The following RINL variants were observed in gnomAD, a reference collection of about 807,000 sequenced individuals.
RINL encodes Ras and Rab interactor like, also known as ras and Rab interactor-like protein.
A neutral mutation model predicts 58.1 loss-of-function variants in RINL; 39 were observed. The observed-to-expected ratio is 0.67, with a 90% confidence interval of 0.52 to 0.88. The LOEUF (loss-of-function observed/expected upper bound fraction) is 0.88. Among genes scored for constraint, RINL ranks in the 40% least tolerant of loss-of-function variants. The probability of loss-of-function intolerance (pLI) is 0.00; values close to 1 mark genes in which losing one functional copy is unlikely to be tolerated. For synonymous variants in RINL, 286 were observed against 323.1 expected, an observed-to-expected ratio of 0.89 and a Z score of 1.23; for missense variants, 711 against 749.2, an observed-to-expected ratio of 0.95 and a Z score of 0.60.
chr19:38,869,425 G>A lies in RINL; in HGVS notation c.1475-15C>T. On this transcript the variant is annotated splice_polypyrimidine_tract_variant and intron_variant, in intron 10 of 11. Transcript: ENST00000591812. This position sits in a 1 kb window ranked among gnomAD's most constrained non-coding sequence, Gnocchi z 5.7. ...GTAGTACCCAGCTGGGGACAGAAAGGGAAGTCAGCTCCGCCCTCTCGGCTT... is the reference window on the plus strand; with the variant it reads ...GTAGTACCCAGCTGGGGACAGAAAGAGAAGTCAGCTCCGCCCTCTCGGCTT... 6.3e-7 allele frequency: 1 copy of A among 1,585,226 alleles called. No individual in the cohort carries two copies. Among genetic ancestry groups the A allele is most frequent in the Non-Finnish European group, 8.6e-7 (1 of 1,162,442 alleles).
chr19:38,877,166 C>T (rs1296653563), intron 1 of RINL, among the ~76,000 whole-genome samples: 2 of 152,284 alleles, frequency 1.3e-5, no homozygotes, highest in East Asian at 1.9e-4. Flanking sequence ...CCCCCCGCCT[C>T]GGCCTCCCAA....
Position 38,869,207 on chromosome 19 carries a change from T to C in RINL, c.1638+40A>G. 1 of 1,614,088 alleles carries C rather than the reference T, an allele frequency of 6.2e-7. No homozygotes were observed. ...GGAGCTGGGTCAGAAGGGCACCAGG[T>C]CTCACCCTCCCTTCTACTTGCAGCC... On this transcript the variant is annotated intron_variant, in intron 11 of 11. Coordinates refer to ENST00000591812, the MANE Select transcript of RINL (RefSeq NM_001195833.2). The surrounding 1 kb of genome is among the most constrained non-coding windows in gnomAD (Gnocchi z 5.7).
Position 38,871,634 on chromosome 19 carries a change from A to T in RINL, c.451+13T>A. 6.2e-7 allele frequency: 1 copy of T among 1,612,466 alleles called. No individual in the cohort carries two copies. Among genetic ancestry groups the T allele is most frequent in the Non-Finnish European group, 8.5e-7 (1 of 1,179,254 alleles). On this transcript the variant is annotated intron_variant, in intron 6 of 11. Coordinates refer to ENST00000591812, the MANE Select transcript of RINL (RefSeq NM_001195833.2). Reference sequence around the variant, plus strand: ...CAGGTTGGCTGTGCCCTCTTTAGAGAACCGTGCCTCACCTGTGTGTTCATC... The same window carrying T: ...CAGGTTGGCTGTGCCCTCTTTAGAGTACCGTGCCTCACCTGTGTGTTCATC...
Position 38,870,964 on chromosome 19 carries a change from G to A in RINL, c.630C>T (p.Val210=), listed in dbSNP as rs1422849160. 6.9e-6 allele frequency: 11 copies of A among 1,604,564 alleles called. No individual in the cohort carries two copies. The highest frequency in any genetic ancestry group is 1.1e-5 in the South Asian group (1 of 90,792). Reference sequence around the variant, plus strand: ...GGCTGAGCGGGCCTTTCACCCAGGAGACCCCGTGAGGCGCAGGGTTCCTGG... The same window carrying A: ...GGCTGAGCGGGCCTTTCACCCAGGAAACCCCGTGAGGCGCAGGGTTCCTGG... The part of the protein sequence containing the change: ...PAPRNPAPHG[V]SWVKGPLSPE... The change falls in exon 8 of 12, where the codon GTC becomes GTT. Residue 210 remains valine, a synonymous_variant. Coordinates refer to ENST00000591812, the MANE Select transcript of RINL (RefSeq NM_001195833.2). The surrounding 1 kb of genome is among the most constrained non-coding windows in gnomAD (Gnocchi z 5.8).
At chr19:38,872,278 G>A (rs1037500889) in intron 4 of RINL, among the ~76,000 whole-genome samples, 1 of 152,128 alleles carries the variant, frequency 6.6e-6, no homozygotes, top group East Asian at 1.9e-4. Flanking sequence ...CTGAAGTCAG[G>A]AGTTCGAGAC....
intron 4 of RINL, among the ~76,000 whole-genome samples, chr19:38,873,190 A>G (rs1452088996): frequency 6.6e-6 from 1 of 152,220 alleles, no homozygotes; most frequent in East Asian, 1.9e-4. Context: ...AAAAGCATTC[A>G]TACAGGATGA....
chr19:38,874,775 T>C (rs1324247600), intron 3 of RINL, among the ~76,000 whole-genome samples: 3 of 152,206 alleles, frequency 2.0e-5, no homozygotes, highest in African/African-American at 7.2e-5. Context: ...GATTGATATA[T>C]GGATCATGAT....
At chr19:38,871,506 G>A in intron 6 of RINL, 141 bp downstream of exon 6, 1 of 806,168 alleles carries the variant, frequency 1.2e-6, no homozygotes. Flanking sequence ...GGACTACAAA[G>A]TCCAGGCCCC....
chr19:38,877,409 G>A (rs1034566001), intron 1 of RINL, among the ~76,000 whole-genome samples: 32 of 152,174 alleles, frequency 2.1e-4, no homozygotes, highest in South Asian at 4.1e-4. Context: ...CCCAGTCAGC[G>A]CCTGGAAAAG....
chr19:38,877,096 G>A (rs1445200247), intron 1 of RINL, among the ~76,000 whole-genome samples: 2 of 152,102 alleles, frequency 1.3e-5, no homozygotes, highest in African/African-American at 4.8e-5. Context: ...GTATTTTTTA[G>A]TAGAGACAAG....
In RINL at chr19:38,870,539, C is replaced by T. The variant is rs749040160; in HGVS notation, c.1024+31G>A. 2.7e-5 allele frequency: 41 copies of T among 1,524,516 alleles called. No homozygotes were observed. The East Asian group carries it at 8.4e-4, about 31-fold the overall frequency. The allele number at this position is 1,524,516 out of a possible 1,614,324, so 94.4% of individuals were successfully genotyped here. Reference sequence around the variant, plus strand: ...GAGGACGAAGTTGCACACTTGAACCCGTGGGGGCTCCCTTCCAGTCCTCCC... The same window carrying T: ...GAGGACGAAGTTGCACACTTGAACCTGTGGGGGCTCCCTTCCAGTCCTCCC... On this transcript the variant is annotated intron_variant, in intron 8 of 11. Transcript: ENST00000591812. This position sits in a 1 kb window ranked among gnomAD's most constrained non-coding sequence, Gnocchi z 5.8.
rs752727795 is a variant in RINL at position 38,871,658 on chromosome 19, T to A, written c.440A>T (p.Asp147Val). ...GAACCGTGCCTCACCTGTGTGTTCA[T>A]CTCTGGGCCCTAGAGTGGGAGGGGG... is the stretch of plus-strand genomic sequence containing the variant. Reference protein sequence around the residue: ...LLPPPTLGPRDEHTDPVQIGR... With the variant: ...LLPPPTLGPRVEHTDPVQIGR... The change falls in exon 6 of 12, where the codon GAT becomes GTT. Residue 147 changes from aspartate to valine, a missense_variant. Asp to Val is a radical substitution (Grantham distance 152). Coordinates refer to ENST00000591812, the MANE Select transcript of RINL (RefSeq NM_001195833.2). 9.9e-6 allele frequency: 16 copies of A among 1,613,872 alleles called. No homozygotes were observed. The South Asian group carries it at 1.6e-4, about 17-fold the overall frequency.
In RINL at chr19:38,871,119, G is replaced by A. The variant is rs551357680; in HGVS notation, c.560C>T (p.Pro187Leu). Residue 187 changes from proline (P) to leucine (L), a missense_variant, in exon 7 of 12, where the codon CCT becomes CTT. By Grantham distance (98) the Pro-to-Leu change is moderately conservative. Coordinates refer to ENST00000591812, the MANE Select transcript of RINL (RefSeq NM_001195833.2). ...THRGWGREQT[P>L]QETEPEAAQR... Reference sequence around the variant, plus strand: ...AGCAGCCTCTGGCTCTGTTTCTTGAGGGGTCTGCTCCCTCCCCCAGCCTCT... The same window carrying A: ...AGCAGCCTCTGGCTCTGTTTCTTGAAGGGTCTGCTCCCTCCCCCAGCCTCT... 2.2e-5 allele frequency: 36 copies of A among 1,611,758 alleles called. No individual in the cohort carries two copies. The highest frequency in any genetic ancestry group is 1.7e-4 in the Middle Eastern group (1 of 6,054).
intron 4 of RINL, among the ~76,000 whole-genome samples, chr19:38,872,437 G>A (rs531500915): frequency 3.9e-5 from 6 of 152,116 alleles, no homozygotes; most frequent in African/African-American, 1.2e-4. Context: ...AGTGACCTGA[G>A]ATTAAGCCAT....
intron 3 of RINL, among the ~76,000 whole-genome samples, chr19:38,874,500 C>T (rs1341777294): frequency 1.3e-5 from 2 of 152,206 alleles, no homozygotes; most frequent in Non-Finnish European, 2.9e-5. Flanking sequence ...TCTTGAACTC[C>T]TGACTTCAAG....
At chr19:38,872,213 C>T (rs983833652) in intron 4 of RINL, among the ~76,000 whole-genome samples, 12 of 152,118 alleles carry the variant, frequency 7.9e-5, no homozygotes, top group Admixed American at 2.0e-4. Context: ...AGTCAGGGTA[C>T]GGTGGCTCAC....
In RINL at chr19:38,871,234, C is replaced by T. The variant is rs371522443; in HGVS notation, c.452-7G>A. On this transcript the variant is annotated splice_region_variant and splice_polypyrimidine_tract_variant and intron_variant, in intron 6 of 11. Coordinates refer to ENST00000591812, the MANE Select transcript of RINL (RefSeq NM_001195833.2). ...CTGCCGATCTGCACAGGATCTGGAG[C>T]CAGCAGAAGTGAGAAGGTGTCCTAG... 1.5e-5 allele frequency: 25 copies of T among 1,613,882 alleles called. No individual in the cohort carries two copies. In the South Asian group the frequency reaches 2.7e-4, roughly 18 times the overall value.
chr19:38,871,823 G>T lies in RINL; in HGVS notation c.361C>A (p.Leu121Ile). ...SNLCMPDLPH[L>I]LAFLSASRDV... ...CTGCTGGCTGATAGAAAGGCCAGGA[G>T]ATGGGGCAGGTCTGGCATGCAGAGG... is the stretch of plus-strand genomic sequence containing the variant. The change falls in exon 5 of 12, where the codon CTC becomes ATC. Residue 121 changes from leucine to isoleucine, a missense_variant. Leu to Ile is a conservative substitution (Grantham distance 5, BLOSUM62 2). Coordinates refer to ENST00000591812, the MANE Select transcript of RINL (RefSeq NM_001195833.2). 6.2e-7 allele frequency: 1 copy of T among 1,614,176 alleles called. No homozygotes were observed. Among genetic ancestry groups the T allele is most frequent in the South Asian group, 1.1e-5 (1 of 91,088 alleles).
Position 38,869,967 on chromosome 19 carries a change from C to T in RINL, c.1318G>A (p.Gly440Ser), listed in dbSNP as rs1196635677. Residue 440 changes from glycine to serine, a missense_variant, in exon 9 of 12, where the codon GGC (glycine) becomes AGC (serine). By Grantham distance (56) the Gly-to-Ser change is moderately conservative. Transcript: ENST00000591812. The surrounding 1 kb of genome is among the most constrained non-coding windows in gnomAD (Gnocchi z 5.7). Reference protein sequence around the residue: ...LLEVCRDVYAGLARGENQDPL... With the variant: ...LLEVCRDVYASLARGENQDPL... The stretch of plus-strand genomic sequence containing the variant: ...CCTTGGTTCTCGCCTCGAGCCAGGC[C>T]CGCATAGACATCTCTGCACACCTCC... 3 of 1,600,232 alleles carry T rather than the reference C, an allele frequency of 1.9e-6. No individual in the cohort carries two copies. The highest frequency in any genetic ancestry group is 2.6e-6 in the Non-Finnish European group (3 of 1,174,562).
Sources: allele counts gnomAD v4.1 joint callset (sites outside exome capture counted in the v4.1 genomes callset), GRCh38; gene constraint gnomAD v4.1.1; non-coding constraint Gnocchi (gnomAD v3.1); transcripts MANE v1.5; gene names NCBI Gene and HGNC (gene_info 2026-07-23, HGNC 2026-07-21).